SYT1: variants seen among roughly 807,000 people sequenced by gnomAD.
SYT1 encodes synaptotagmin 1, also known as synaptotagmin-1.
A neutral mutation model predicts 44.8 loss-of-function variants in SYT1; 8 were observed. The ratio of observed to expected loss-of-function variants is 0.18; its 90% confidence interval spans 0.10 to 0.32. SYT1 has a LOEUF of 0.32. SYT1 is among the 10% of genes least tolerant of loss of function. The pLI is 1.00. For missense variants in SYT1, 286 were observed against 509.3 expected (o/e 0.56, Z 4.22); for synonymous variants, 154 against 188.8 (o/e 0.82, Z 1.51).
chr12:79,310,787 G>T (rs1256380220), intron 8 of SYT1, among the ~76,000 whole-genome samples: 5 of 152,132 alleles, frequency 3.3e-5, no homozygotes, highest in African/African-American at 1.2e-4. Flanking sequence ...ATTGTGAATG[G>T]GAGTTCACTC....
intron 4 of SYT1, 52 bp downstream of exon 4, chr12:79,217,737 C>T (rs770813643): frequency 1.3e-6 from 2 of 1,491,296 alleles, no homozygotes; most frequent in Admixed American, 2.1e-5. Context: ...GAAAAATACC[C>T]CATCCATTGG....
At chr12:79,035,621 G>T (rs1424097284) in intron 2 of SYT1, among the ~76,000 whole-genome samples, 3 of 151,278 alleles carry the variant, frequency 2.0e-5, no homozygotes, top group African/African-American at 2.4e-5. Flanking sequence ...ACCACTTCCT[G>T]CCCACAAAGC....
rs185675286 is a variant in SYT1, at chr12:78,968,240, A to G, written c.-216-9559A>G. 5.8e-4 allele frequency among the ~76,000 whole-genome samples: 88 copies of G among 152,216 alleles called. 1 individual carries two copies. The highest frequency in any genetic ancestry group is 1.5e-3 in the African/African-American group (64 of 41,546). ...AGAAATAGAGAAAAATGTAGCAAGA[A>G]TTCTTAACCCAAAATCACGGATTAG... On this transcript the variant is annotated intron_variant, in intron 1 of 10. Transcript: ENST00000261205.
At chr12:79,400,888 G>A (rs1034677799) in intron 9 of SYT1, among the ~76,000 whole-genome samples, 1 of 152,168 alleles carries the variant, frequency 6.6e-6, no homozygotes, top group Non-Finnish European at 1.5e-5. Flanking sequence ...CAGATCTCTT[G>A]TAGTTTCATT....
chr12:78,967,370 T>C (rs1016153038), intron 1 of SYT1, among the ~76,000 whole-genome samples: 1 of 152,104 alleles, frequency 6.6e-6, no homozygotes, highest in African/African-American at 2.4e-5. Flanking sequence ...GGCAGGATAT[T>C]AAAGGCAAGA....
At chr12:78,872,540 A>G (rs1464816370) in intron 1 of SYT1, among the ~76,000 whole-genome samples, 1 of 151,824 alleles carries the variant, frequency 6.6e-6, no homozygotes, top group East Asian at 1.9e-4. Context: ...TGATATAGGA[A>G]TTCCTTTGTG....
chr12:79,276,671 TC>T (rs544437599), intron 4 of SYT1, among the ~76,000 whole-genome samples: 1,587 of 135,574 alleles, frequency 0.012, 27 homozygotes, highest in African/African-American at 0.041. Context: ...CAAGACTCCA[TC>T]AAAAAAAAAA....
In SYT1 at chr12:79,248,860, G is replaced by A. The variant is rs74484823; in HGVS notation, c.166+31175G>A. Among the ~76,000 whole-genome samples the A allele has an allele frequency of 4.7e-4, 72 of 152,266 alleles. 2 individuals are homozygous for A. In the East Asian group the frequency reaches 0.013, roughly 28 times the overall value. ...AATTGATTCTAACACATAACTGATT[G>A]TATAGAAAATCTGAGAATATTGACC... On this transcript the variant is annotated intron_variant, in intron 4 of 10. Coordinates refer to ENST00000261205, the MANE Select transcript of SYT1 (RefSeq NM_005639.3).
At chr12:78,981,125 G>GTTTTTTTTTTTTTTTTTTTTTTT (rs1171068435) in intron 2 of SYT1, among the ~76,000 whole-genome samples, 1 of 122,696 alleles carries the variant, frequency 8.2e-6, no homozygotes. Context: ...TTGTTTCTTT[G>GTTTTTTTTTTTTTTTTTTTTTTT]TTTTTTTTTT....
At chr12:79,318,241 C>T (rs1006522971) in intron 8 of SYT1, among the ~76,000 whole-genome samples, 4 of 152,166 alleles carry the variant, frequency 2.6e-5, no homozygotes, top group African/African-American at 4.8e-5. Context: ...AGGAGTTGTG[C>T]CTCCGGAGGG....
At chr12:78,864,387 T>C (rs1873418311), upstream of SYT1, 1 of 150,808 alleles carries the variant, frequency 6.6e-6, no homozygotes, top group African/African-American at 2.4e-5. Context: ...TGTATTATGC[T>C]CTCTTTCTCC....
intron 4 of SYT1, among the ~76,000 whole-genome samples, chr12:79,239,641 G>T (rs911277042): frequency 7.9e-5 from 12 of 152,084 alleles, no homozygotes; most frequent in Non-Finnish European, 1.5e-4. Flanking sequence ...AATATTAGTG[G>T]CTTAAAACAA....
intron 3 of SYT1, among the ~76,000 whole-genome samples, chr12:79,165,466 G>A (rs1252693998): frequency 2.0e-5 from 3 of 151,826 alleles, no homozygotes; most frequent in East Asian, 1.9e-4. Flanking sequence ...CTTTAAGGAC[G>A]GTATGGTTGC....
intron 2 of SYT1, among the ~76,000 whole-genome samples, chr12:78,984,491 GTTA>G (rs1178830619): frequency 6.6e-6 from 1 of 151,544 alleles, no homozygotes; most frequent in African/African-American, 2.4e-5. Context: ...TTATTTTTTA[GTTA>G]TTATGATGAG....
chr12:78,873,359 T>G (rs1312973631), intron 1 of SYT1, among the ~76,000 whole-genome samples: 1 of 151,652 alleles, frequency 6.6e-6, no homozygotes, highest in Non-Finnish European at 1.5e-5. Flanking sequence ...TTTATCCCAC[T>G]GAAAAAATAA....
At chr12:79,444,301 G>A (rs1409286519) in intron 10 of SYT1, 95 bp downstream of exon 10, 2 of 1,418,258 alleles carry the variant, frequency 1.4e-6, no homozygotes. Context: ...CAGTGCACAT[G>A]CCTTCATTAG....
At chr12:79,448,865 G>T in intron 10 of SYT1, 53 bp from the exon 11 acceptor site, 1 of 1,533,748 alleles carries the variant, frequency 6.5e-7, no homozygotes, top group Non-Finnish European at 9.0e-7. Context: ...CTTTATAGTC[G>T]GGCCTTATCT....
chr12:79,446,269 GTCA>G (rs1223742740), intron 10 of SYT1, among the ~76,000 whole-genome samples: 1 of 151,632 alleles, frequency 6.6e-6, no homozygotes, highest in East Asian at 1.9e-4. Flanking sequence ...AAATGGTCCT[GTCA>G]TCATCATCAT....
chr12:79,451,505 G>T lies in SYT1; in HGVS notation c.*2381G>T, dbSNP rs1252691599. 6.6e-6 allele frequency: 1 copy of T among 152,190 alleles called. No individual in the cohort carries two copies. The highest frequency in any genetic ancestry group is 2.4e-5 in the African/African-American group (1 of 41,452). 9.4% of individuals were successfully genotyped at this position (152,190 alleles called of 1,614,324 possible). On this transcript the variant is annotated 3_prime_UTR_variant, in exon 11 of 11. Coordinates refer to ENST00000261205, the MANE Select transcript of SYT1 (RefSeq NM_005639.3). ...ACTTTCAAACAAGCAGGTTCAAGCT[G>T]CTGAATAGACATTATTTCTTGCATT...
Sources: allele counts gnomAD v4.1 joint callset (sites outside exome capture counted in the v4.1 genomes callset), GRCh38; gene constraint gnomAD v4.1.1; transcripts MANE v1.5; gene names NCBI Gene and HGNC (gene_info 2026-07-23, HGNC 2026-07-21).